The following THBS2 variants were observed in gnomAD, a reference collection of about 807,000 sequenced individuals.
THBS2 encodes the protein thrombospondin-2.
Under a neutral mutation model 135.2 loss-of-function variants are expected in THBS2, and 47 were observed. The ratio of observed to expected loss-of-function variants is 0.35; its 90% CI spans 0.28 to 0.44. The LOEUF is 0.44. Among genes scored for constraint, THBS2 ranks in the 20% least tolerant of loss-of-function variants. The pLI is 1.00. For missense variants in THBS2, 1,288 were observed against 1,603.1 expected, an observed-to-expected ratio of 0.80 and a Z score of 3.36; for synonymous variants, 639 against 633.8, an observed-to-expected ratio of 1.01 and a Z score of -0.12.
At position 169,232,811 on chromosome 6, in the gene THBS2, G is replaced by C. The variant is rs370278015; in HGVS notation, c.1785C>G (p.Ala595=). The part of the protein sequence containing the change: ...GTHCEDLDEC[A]LVPDICFSTS... ...TGGAGAAGCAGATGTCGGGGACCAG[G>C]GCACACTGCGGGGACAAGCAGACAT... is the stretch of plus-strand genomic sequence containing the variant. Residue 595 remains alanine (A), a synonymous_variant, in exon 12 of 22, where the codon GCC becomes GCG. Coordinates refer to ENST00000617924, the MANE Select transcript of THBS2 (RefSeq NM_003247.5). The C allele has an allele frequency of 4.4e-5, 71 of 1,613,108 alleles. No homozygotes were observed. The highest frequency in any genetic ancestry group is 3.0e-4 in the Admixed American group (18 of 59,934).
intron 14 of THBS2, 70 bp from the exon 15 acceptor site, chr6:169,228,351 T>C (rs976878869): frequency 5.7e-5 from 89 of 1,550,822 alleles, no homozygotes; most frequent in African/African-American, 1.2e-4. Flanking sequence ...TTAGCACTTA[T>C]AAGTTATGTA....
Position 169,226,264 on chromosome 6 carries a change from G to A in THBS2, c.2454C>T (p.Val818=), listed in dbSNP as rs545677690. ...VFNERDNCPY[V]YNTDQRDTDG... The stretch of plus-strand genomic sequence containing the variant: ...CCGTGTCCCTCTGGTCAGTGTTGTA[G>A]ACGTAGGGACAATTGTCTCGTTCAT... The change falls in exon 16 of 22, where the codon GTC becomes GTT. Residue 818 remains valine (V), a synonymous_variant. Transcript: ENST00000617924. 4.3e-6 allele frequency: 7 copies of A among 1,614,136 alleles called. No individual in the cohort carries two copies. In the South Asian group the frequency reaches 7.7e-5, roughly 18 times the overall value.
At chr6:169,237,087 C>G (rs1167927051) in intron 9 of THBS2, 83 bp downstream of exon 9, 7 of 1,482,244 alleles carry the variant, frequency 4.7e-6, no homozygotes. Context: ...CCTGACACCC[C>G]GGATCCCGGC....
chr6:169,235,457 G>A (rs73240113), intron 9 of THBS2, among the ~76,000 whole-genome samples: 20,654 of 152,026 alleles, frequency 0.14, 2,694 homozygotes, highest in African/African-American at 0.34. Context: ...CGTGAGCACA[G>A]CTGAAGGCAA....
chr6:169,234,011 G>A (rs539748350), intron 10 of THBS2, among the ~76,000 whole-genome samples: 25 of 149,764 alleles, frequency 1.7e-4, no homozygotes, highest in Admixed American at 1.1e-3. Flanking sequence ...TACATGCCAC[G>A]TTCCAGACCA....
At chr6:169,228,816 C>A (rs138567974) in intron 14 of THBS2, among the ~76,000 whole-genome samples, 4 of 149,362 alleles carry the variant, frequency 2.7e-5, no homozygotes, top group Non-Finnish European at 5.9e-5. Flanking sequence ...GCCAGTTACT[C>A]AGGAGACTGA....
chr6:169,234,828 C>G lies in THBS2; in HGVS notation c.1557G>C (p.Arg519=). ...TCAGGIRERT[R]VCNSPEPQYG... is the part of the protein sequence containing the mutation. ...ACTGAGGCTCAGGGCTGTTGCAGACCCGGGTGCGCTCCCGGATCCCACCGG... is the reference window on the plus strand; with the variant it reads ...ACTGAGGCTCAGGGCTGTTGCAGACGCGGGTGCGCTCCCGGATCCCACCGG... The change falls in exon 10 of 22, where the codon CGG becomes CGC. Residue 519 remains arginine (R), a synonymous_variant. Transcript: ENST00000617924. The G allele has an allele frequency of 1.2e-6, 2 of 1,613,294 alleles. No individual in the cohort carries two copies. Among genetic ancestry groups the G allele is most frequent in the Non-Finnish European group, 1.7e-6 (2 of 1,179,778 alleles).
intron 5 of THBS2, among the ~76,000 whole-genome samples, chr6:169,240,974 TC>T: frequency 2.0e-5 from 3 of 150,016 alleles, no homozygotes; most frequent in African/African-American, 7.6e-5. Flanking sequence ...ACAGCCAAGC[TC>T]CTGCCCTCGC....
intron 9 of THBS2, among the ~76,000 whole-genome samples, chr6:169,236,073 C>CT (rs1182674550): frequency 8.2e-6 from 1 of 121,812 alleles, no homozygotes; most frequent in African/African-American, 3.3e-5. Flanking sequence ...TCCACACTCA[C>CT]CATCCACACT....
chr6:169,221,644 G>A (rs750756294), intron 19 of THBS2, 117 bp from the exon 20 acceptor site: 1 of 808,362 alleles, frequency 1.2e-6, no homozygotes, highest in Non-Finnish European at 2.1e-6. Flanking sequence ...TAAGGCTCAT[G>A]GTGCTCCATA....
At chr6:169,236,291 TTCCCATCCACAGTCAC>T (rs1780060418) in intron 9 of THBS2, among the ~76,000 whole-genome samples, 7 of 68,692 alleles carry the variant, frequency 1.0e-4, no homozygotes, top group Admixed American at 1.8e-4. Context: ...TCCACACTCA[TTCCCATCCACAGTCAC>T]TCCCCATCCA....
chr6:169,224,791 G>A, intron 17 of THBS2, among the ~76,000 whole-genome samples: 1 of 152,122 alleles, frequency 6.6e-6, no homozygotes, highest in East Asian at 1.9e-4. Context: ...CTTGTCCCCT[G>A]CCTGGCCCCA....
chr6:169,247,676 C>T (rs1780599088), intron 3 of THBS2, among the ~76,000 whole-genome samples: 1 of 150,036 alleles, frequency 6.7e-6, no homozygotes. Context: ...GGTGTGTGCA[C>T]ACCTGTTTTG....
Position 169,217,695 on chromosome 6 carries a change from C to CCAT in THBS2, c.*124_*126dup. 9.5e-7 allele frequency: 1 copy of CCAT among 1,049,596 alleles called. No individual in the cohort carries two copies. The highest frequency in any genetic ancestry group is 1.4e-6 in the Non-Finnish European group (1 of 729,946). The allele number at this position is 1,049,596 out of a possible 1,614,324, so 65.0% of individuals were successfully genotyped here. ...GGGGTTGCTGGCAGGAGGTGAAGAA[C>CCAT]CATCAGAGTTAAGGTCAAGGGACAG... On this transcript the variant is annotated 3_prime_UTR_variant, in exon 22 of 22. Coordinates refer to ENST00000617924, the MANE Select transcript of THBS2 (RefSeq NM_003247.5).
intron 5 of THBS2, 147 bp from the exon 6 acceptor site, chr6:169,240,739 A>G: frequency 9.2e-7 from 1 of 1,087,726 alleles, no homozygotes; most frequent in Non-Finnish European, 1.3e-6. Flanking sequence ...GAAGTTCCGG[A>G]AGTTGTCCTC....
chr6:169,248,241 T>TGCATGTGCATGTGGTGTGTGCAC (rs1208728319), intron 3 of THBS2, among the ~76,000 whole-genome samples, 176 bp downstream of exon 3: 4 of 152,018 alleles, frequency 2.6e-5, no homozygotes, highest in Non-Finnish European at 5.9e-5. Context: ...GGGCAGTGTG[T>TGCATGTGCATGTGGTGTGTGCAC]GCATGTGCAT....
In THBS2 at chr6:169,234,850, C is replaced by G; in HGVS notation, c.1535G>C (p.Gly512Ala). The change falls in exon 10 of 22, where the codon GGT becomes GCT. Residue 512 changes from glycine to alanine, a missense_variant. Gly to Ala is a moderately conservative substitution (Grantham distance 60, BLOSUM62 0). Transcript: ENST00000617924. Reference sequence around the variant, plus strand: ...GACCCGGGTGCGCTCCCGGATCCCACCGGCACAGGTGACAGTGCAGGCCGA... The same window carrying G: ...GACCCGGGTGCGCTCCCGGATCCCAGCGGCACAGGTGACAGTGCAGGCCGA... The part of the protein sequence containing the change: ...PWSACTVTCA[G>A]GIRERTRVCN... The G allele has an allele frequency of 6.2e-7, 1 of 1,613,116 alleles. No homozygotes were observed. Among genetic ancestry groups the G allele is most frequent in the South Asian group, 1.1e-5 (1 of 91,008 alleles).
At position 169,216,787 on chromosome 6, in the gene THBS2, T is replaced by C. The variant is rs191497961; in HGVS notation, c.*1035A>G. ...ACTAGGCATATTTAAAATAAGTTAC[T>C]GGTAAATGGAGTTGCATTCTATAGT... On this transcript the variant is annotated 3_prime_UTR_variant, in exon 22 of 22. Transcript: ENST00000617924. 9 of 152,356 alleles carry C rather than the reference T, an allele frequency of 5.9e-5. No homozygotes were observed. Among genetic ancestry groups the C allele is most frequent in the Admixed American group, 5.9e-4 (9 of 15,308 alleles). 9.4% of individuals were successfully genotyped at this position (152,356 alleles called of 1,614,324 possible).
intron 6 of THBS2, among the ~76,000 whole-genome samples, 167 bp from the exon 7 acceptor site, chr6:169,239,862 T>C (rs1323185656): frequency 6.6e-6 from 1 of 152,204 alleles, no homozygotes; most frequent in Non-Finnish European, 1.5e-5. Flanking sequence ...CCATTAGTGC[T>C]GACAGCCTAA....
Sources: allele counts gnomAD v4.1 joint callset (sites outside exome capture counted in the v4.1 genomes callset), GRCh38; gene constraint gnomAD v4.1.1; transcripts MANE v1.5; gene names NCBI Gene and HGNC (gene_info 2026-07-23, HGNC 2026-07-21).